PLPP1: variants seen among roughly 807,000 people sequenced by gnomAD.
PLPP1 encodes phospholipid phosphatase 1, also known as lipid phosphate phosphohydrolase 1a.
PLPP1 carries 24 observed loss-of-function variants against 31.2 expected under a neutral mutation model. The ratio of observed to expected loss-of-function variants is 0.77; its 90% confidence interval spans 0.56 to 1.08. The LOEUF is 1.08. Among genes scored for constraint, PLPP1 ranks in the 50% least tolerant of loss-of-function variants. The probability of loss-of-function intolerance (pLI) is 0.00; values close to 1 mark genes in which losing one functional copy is unlikely to be tolerated. For missense variants in PLPP1, 319 were observed against 342.7 expected (o/e 0.93, Z 0.55); for synonymous variants, 146 against 126.3 (o/e 1.16, Z -1.05).
At chr5:55,528,938 A>T (rs562703168) in intron 1 of PLPP1, among the ~76,000 whole-genome samples, 1 of 152,122 alleles carries the variant, frequency 6.6e-6, no homozygotes, top group Non-Finnish European at 1.5e-5. Context: ...AACATACCCA[A>T]TTTTGACTAA....
At chr5:55,508,543 T>C (rs1753333919) in intron 1 of PLPP1, among the ~76,000 whole-genome samples, 1 of 152,168 alleles carries the variant, frequency 6.6e-6, no homozygotes, top group Non-Finnish European at 1.5e-5. Flanking sequence ...GGTATTATTA[T>C]CCCCATTTTA....
intron 2 of PLPP1, among the ~76,000 whole-genome samples, chr5:55,472,646 G>A (rs1464927190): frequency 4.0e-5 from 2 of 49,486 alleles, no homozygotes; most frequent in African/African-American, 5.2e-5. Flanking sequence ...CAGAGAGAGA[G>A]AAAGAAAGAA....
intron 4 of PLPP1, among the ~76,000 whole-genome samples, chr5:55,438,618 T>C (rs1307562071): frequency 1.3e-5 from 2 of 152,062 alleles, no homozygotes; most frequent in African/African-American, 2.4e-5. Flanking sequence ...ATGTTGTACA[T>C]AGGCCAGGCG....
chr5:55,426,798 CATTA>C (rs1267835712), intron 4 of PLPP1, among the ~76,000 whole-genome samples: 1 of 152,102 alleles, frequency 6.6e-6, no homozygotes, highest in Non-Finnish European at 1.5e-5. Context: ...GGGACTATTT[CATTA>C]ATTAACCAAA....
At chr5:55,438,363 A>C (rs183815202) in intron 4 of PLPP1, among the ~76,000 whole-genome samples, 39 of 152,334 alleles carry the variant, frequency 2.6e-4, no homozygotes, top group African/African-American at 9.4e-4. Context: ...TTAAGTGTGC[A>C]GGGCTGCACT....
At chr5:55,448,023 A>G (rs907585339) in intron 3 of PLPP1, among the ~76,000 whole-genome samples, 1 of 152,228 alleles carries the variant, frequency 6.6e-6, no homozygotes, top group Non-Finnish European at 1.5e-5. Context: ...CCCCTCTCTG[A>G]TAATCTGTAA....
intron 4 of PLPP1, among the ~76,000 whole-genome samples, chr5:55,430,543 A>G (rs1465725029): frequency 2.6e-5 from 4 of 152,266 alleles, no homozygotes; most frequent in Non-Finnish European, 5.9e-5. Context: ...AATCAAAGCC[A>G]AAGTGATCTA....
chr5:55,425,416 T>C (rs1198528760), intron 5 of PLPP1, 82 bp from the exon 6 acceptor site: 1 of 1,282,730 alleles, frequency 7.8e-7, no homozygotes, highest in Admixed American at 2.3e-5. Flanking sequence ...CATCCTAAGA[T>C]AAATATAAAC....
intron 1 of PLPP1, among the ~76,000 whole-genome samples, chr5:55,521,927 C>T (rs991621408): frequency 7.9e-5 from 12 of 152,156 alleles, no homozygotes; most frequent in African/African-American, 2.9e-4. Flanking sequence ...TTTACCTCTC[C>T]AGCACCAAGC....
At chr5:55,468,511 C>G (rs970893272) in intron 2 of PLPP1, among the ~76,000 whole-genome samples, 1 of 151,344 alleles carries the variant, frequency 6.6e-6, no homozygotes, top group Non-Finnish European at 1.5e-5. Flanking sequence ...GTCCAAAAAA[C>G]AAACTTCCAG....
At chr5:55,534,497 GC>G (rs1740809002) in intron 1 of PLPP1, 74 bp downstream of exon 1, 7 of 1,412,234 alleles carry the variant, frequency 5.0e-6, no homozygotes, top group Non-Finnish European at 6.6e-6. Flanking sequence ...CACCCCCGCT[GC>G]CCGTCGCGGC....
At chr5:55,493,859 G>A (rs932175653) in intron 1 of PLPP1, among the ~76,000 whole-genome samples, 7 of 147,082 alleles carry the variant, frequency 4.8e-5, no homozygotes, top group South Asian at 4.3e-4. Flanking sequence ...CAGCCTGGGC[G>A]ACAGAGCGAG....
intron 3 of PLPP1, among the ~76,000 whole-genome samples, chr5:55,443,177 T>TAAAAAA (rs1178247543): frequency 7.8e-5 from 4 of 51,016 alleles, no homozygotes; most frequent in East Asian, 4.9e-4. Context: ...AAGGATTACT[T>TAAAAAA]AAAAAAAAAA....
At chr5:55,490,950 A>G in intron 1 of PLPP1, 1 of 1,603,804 alleles carries the variant, frequency 6.2e-7, no homozygotes, top group Non-Finnish European at 8.5e-7. Context: ...CTACTTATTA[A>G]TTTACTTACA....
intron 3 of PLPP1, 126 bp from the exon 4 acceptor site, chr5:55,442,034 A>G (rs962220171): frequency 1.2e-5 from 10 of 824,342 alleles, no homozygotes; most frequent in Middle Eastern, 2.7e-4. Context: ...AGAAATTAGA[A>G]GGGTACGGCA....
At chr5:55,529,105 A>G (rs1258021019) in intron 1 of PLPP1, among the ~76,000 whole-genome samples, 1 of 152,092 alleles carries the variant, frequency 6.6e-6, no homozygotes, top group Non-Finnish European at 1.5e-5. Context: ...ATCACTTAGC[A>G]CTGTGACTAT....
rs16884223 is a variant in PLPP1 at position 55,452,764 on chromosome 5, A to C, written c.492-10856T>G. ...AATCATAGCCCAACCTGTTATGTTA[A>C]AATCATCTGTTACTGAACCTTCTTC... On this transcript the variant is annotated intron_variant, in intron 3 of 5. Coordinates refer to ENST00000307259, the MANE Select transcript of PLPP1 (RefSeq NM_003711.4). Among the ~76,000 whole-genome samples, 1,295 of 152,358 alleles carry C rather than the reference A, an allele frequency of 8.5e-3. 15 individuals are homozygous for C. The highest frequency in any genetic ancestry group is 0.064 in the East Asian group (334 of 5,188).
intron 1 of PLPP1, among the ~76,000 whole-genome samples, chr5:55,533,565 C>T (rs1740759677): frequency 2.0e-5 from 3 of 152,136 alleles, no homozygotes; most frequent in African/African-American, 7.2e-5. Flanking sequence ...ACTGAGAAAC[C>T]ATTACGCAGA....
intron 4 of PLPP1, among the ~76,000 whole-genome samples, chr5:55,441,310 G>A (rs765761288): frequency 1.7e-4 from 26 of 152,222 alleles, no homozygotes; most frequent in Non-Finnish European, 2.6e-4. Context: ...ACTGGACCTG[G>A]AAGTTGTATA....
Sources: allele counts gnomAD v4.1 joint callset (sites outside exome capture counted in the v4.1 genomes callset), GRCh38; gene constraint gnomAD v4.1.1; transcripts MANE v1.5; gene names NCBI Gene and HGNC (gene_info 2026-07-23, HGNC 2026-07-21).